The following ARHGAP39 variants were observed in gnomAD, a reference collection of about 807,000 sequenced individuals.
ARHGAP39 encodes the protein rho GTPase-activating protein 39.
Under a neutral mutation model 106.9 loss-of-function variants are expected in ARHGAP39, and 44 were observed. The observed-to-expected ratio is 0.41, with a 90% CI of 0.32 to 0.53. The LOEUF (loss-of-function observed/expected upper bound fraction) is 0.53. Ranked by LOEUF, ARHGAP39 falls within the 20% of genes least tolerant of loss-of-function variation. The probability of loss-of-function intolerance (pLI) is 0.21; values close to 1 mark genes in which losing one functional copy is unlikely to be tolerated. For synonymous variants in ARHGAP39, 768 were observed against 693.2 expected (o/e 1.11, Z -1.69); for missense variants, 1,496 against 1,577.3 (o/e 0.95, Z 0.87).
intron 1 of ARHGAP39, among the ~76,000 whole-genome samples, chr8:144,663,952 A>T (rs1393203683): frequency 6.6e-6 from 1 of 152,176 alleles, no homozygotes; most frequent in Non-Finnish European, 1.5e-5. Flanking sequence ...GGATCACTTG[A>T]GGCCAGGAGT....
chr8:144,664,649 T>A (rs1297638000), intron 1 of ARHGAP39, among the ~76,000 whole-genome samples: 1 of 152,194 alleles, frequency 6.6e-6, no homozygotes, highest in East Asian at 1.9e-4. Context: ...GTCTTTCCTG[T>A]GTTATTCTCG....
upstream of ARHGAP39, among the ~76,000 whole-genome samples, chr8:144,687,936 C>G (rs572835722): frequency 1.2e-3 from 168 of 140,124 alleles, 2 homozygotes; most frequent in African/African-American, 3.7e-3. Context: ...CACTTCCCAC[C>G]CCGTGACCAC....
At chr8:144,608,513 G>A (rs772968324) in intron 1 of ARHGAP39, among the ~76,000 whole-genome samples, 8 of 152,146 alleles carry the variant, frequency 5.3e-5, no homozygotes, top group South Asian at 4.1e-4. Flanking sequence ...CAAATGCACC[G>A]GGTCTGCAAT....
At position 144,580,963 on chromosome 8, in the gene ARHGAP39, C is replaced by A. The variant is rs376803658; in HGVS notation, c.395G>T (p.Arg132Leu). Residue 132 changes from arginine (R) to leucine (L), a missense_variant, in exon 3 of 12, where the codon CGT becomes CTT. Transcript: ENST00000377307. The stretch of plus-strand genomic sequence containing the variant: ...CAGGGAGGAGCTGGTGCTGCCCTCA[C>A]GGCTGACGCTGCTGCCGCGCCCGGG... ...SSPGRGSSVS[R>L]EGSTSSSLEP... is the part of the protein sequence containing the mutation. 8.1e-6 allele frequency: 13 copies of A among 1,602,790 alleles called. No individual in the cohort carries two copies. Among genetic ancestry groups the A allele is most frequent in the Non-Finnish European group, 1.1e-5 (13 of 1,176,310 alleles).
At chr8:144,651,631 T>C (rs1324163218) in intron 1 of ARHGAP39, among the ~76,000 whole-genome samples, 1 of 151,944 alleles carries the variant, frequency 6.6e-6, no homozygotes, top group Non-Finnish European at 1.5e-5. Flanking sequence ...CACTTGAACC[T>C]AGGAGGAGGA....
chr8:144,582,191 G>A (rs2620646), intron 2 of ARHGAP39, among the ~76,000 whole-genome samples: 2,952 of 152,298 alleles, frequency 0.019, 89 homozygotes, highest in African/African-American at 0.068. Context: ...GCCCAGACAC[G>A]GGCTAGTGGG....
intron 3 of ARHGAP39, among the ~76,000 whole-genome samples, chr8:144,569,124 T>C (rs1818500975): frequency 6.6e-6 from 1 of 152,160 alleles, no homozygotes; most frequent in Non-Finnish European, 1.5e-5. Context: ...AAATGAGAGA[T>C]ACCATGCTAA....
intron 3 of ARHGAP39, among the ~76,000 whole-genome samples, chr8:144,568,990 G>C (rs374630362): frequency 6.6e-6 from 1 of 152,082 alleles, no homozygotes; most frequent in South Asian, 2.1e-4. Flanking sequence ...CTGTGTTAAT[G>C]GTCTAATCCC....
At chr8:144,637,754 G>C (rs1029569862) in intron 1 of ARHGAP39, among the ~76,000 whole-genome samples, 2 of 151,764 alleles carry the variant, frequency 1.3e-5, no homozygotes, top group African/African-American at 4.8e-5. Flanking sequence ...AGGCTGGAGT[G>C]CAGTGGCACC....
Position 144,545,231 on chromosome 8 carries a change from G to GC in ARHGAP39, c.2521+17dup. Reference sequence around the variant, plus strand: ...TGCCCTTACCTGAGCTGGTGGCAAAGCCCGTGCATGGCCTTACCTTTAGTG... The same window carrying GC: ...TGCCCTTACCTGAGCTGGTGGCAAAGCCCCGTGCATGGCCTTACCTTTAGTG... On this transcript the variant is annotated intron_variant, in intron 6 of 11. Transcript: ENST00000377307. The GC allele has an allele frequency of 6.7e-7, 1 of 1,491,912 alleles. No individual in the cohort carries two copies. 92.4% of individuals were successfully genotyped at this position (1,491,912 alleles called of 1,614,324 possible). A position where few individuals can be genotyped will look rare whatever the true frequency, so the allele number is the denominator to read the frequency against.
chr8:144,611,825 G>A (rs1213442823), intron 1 of ARHGAP39, among the ~76,000 whole-genome samples: 1 of 152,060 alleles, frequency 6.6e-6, no homozygotes, highest in African/African-American at 2.4e-5. Context: ...AGACCAGCCT[G>A]GGCAACATAG....
chr8:144,537,615 A>AACC, intron 7 of ARHGAP39, 106 bp downstream of exon 7: 2 of 564,728 alleles, frequency 3.5e-6, no homozygotes, highest in African/African-American at 2.0e-5. Flanking sequence ...TAGTGGCCCC[A>AACC]TCCCCCCCGC....
chr8:144,685,847 G>A (rs1002839549), upstream of ARHGAP39, among the ~76,000 whole-genome samples: 6 of 148,324 alleles, frequency 4.0e-5, no homozygotes, highest in Admixed American at 2.7e-4. Context: ...CCCAGTGCGC[G>A]GCGGCCGCGC....
Position 144,547,874 on chromosome 8 carries a change from C to G in ARHGAP39, c.1212G>C (p.Ala404=). ...CGGCGCGCAGCTTGGGGCTGGAGCC[C>G]GCCTGCTCCACGTAGACCAGCTGCC... ...YVRQLVYVEQ[A]GSSPKLRAGP... Residue 404 remains alanine, a synonymous_variant, in exon 5 of 12, where the codon GCG becomes GCC. Transcript: ENST00000377307. The surrounding 1 kb of genome is among the most constrained non-coding windows in gnomAD (Gnocchi z 5.2). 3 of 1,584,810 alleles carry G rather than the reference C, an allele frequency of 1.9e-6. No homozygotes were observed. Among genetic ancestry groups the G allele is most frequent in the Non-Finnish European group, 2.6e-6 (3 of 1,166,222 alleles).
At chr8:144,598,751 CAG>C (rs1244589718) in intron 2 of ARHGAP39, among the ~76,000 whole-genome samples, 1 of 152,220 alleles carries the variant, frequency 6.6e-6, no homozygotes, top group African/African-American at 2.4e-5. Flanking sequence ...GACTAAAACA[CAG>C]AGGCACTGAA....
chr8:144,563,534 C>T (rs2130872897), intron 3 of ARHGAP39, among the ~76,000 whole-genome samples: 1 of 152,144 alleles, frequency 6.6e-6, no homozygotes, highest in African/African-American at 2.4e-5. Flanking sequence ...GCCCTAAAAT[C>T]CCAATGCTTT....
chr8:144,652,214 G>A (rs112551434), intron 1 of ARHGAP39, among the ~76,000 whole-genome samples: 17 of 151,602 alleles, frequency 1.1e-4, no homozygotes, highest in East Asian at 1.9e-4. Context: ...GCAAGACCCC[G>A]TCTCAAAAAT....
intron 4 of ARHGAP39, among the ~76,000 whole-genome samples, chr8:144,551,282 G>C (rs1382098174): frequency 6.6e-6 from 1 of 152,298 alleles, no homozygotes; most frequent in East Asian, 1.9e-4. Context: ...TGAAAGGCTT[G>C]CTGGTCAGAT....
At chr8:144,600,618 G>A (rs550363928) in intron 2 of ARHGAP39, among the ~76,000 whole-genome samples, 1 of 147,910 alleles carries the variant, frequency 6.8e-6, no homozygotes. Context: ...GGAGGCGTGC[G>A]TGCGCACTTG....
Sources: gnomAD v4.1 joint callset for allele counts (sites outside exome capture counted in the v4.1 genomes callset) on GRCh38, gnomAD v4.1.1 for gene constraint, Gnocchi (gnomAD v3.1) non-coding constraint, MANE v1.5 for transcripts, NCBI Gene and HGNC (gene_info 2026-07-23, HGNC 2026-07-21) for gene names.